Variants in KLHL25 observed in about 807,000 individuals in gnomAD.
KLHL25 encodes kelch-like protein 25.
KLHL25 carries 41 observed loss-of-function variants against 30.0 expected under a neutral mutation model. The ratio of observed to expected loss-of-function variants is 1.37; its 90% confidence interval spans 1.07 to 1.78. The LOEUF is 1.78. KLHL25 is among the 40% of genes most tolerant of loss of function. KLHL25 has a pLI of 0.00. For synonymous variants in KLHL25, 399 were observed against 355.3 expected (o/e 1.12, Z -1.38); for missense variants, 971 against 824.5 (o/e 1.18, Z -2.18).
intron 1 of KLHL25, among the ~76,000 whole-genome samples, chr15:85,793,578 T>C (rs756065312): frequency 6.6e-6 from 1 of 152,154 alleles, no homozygotes; most frequent in Non-Finnish European, 1.5e-5. Flanking sequence ...CAGTTCCTCC[T>C]ATGAATGGGG....
In KLHL25 at chr15:85,769,199, G is replaced by C; in HGVS notation, c.612C>G (p.Thr204=). ...CCTCGAAGACCACCCGCTCGTCCTCGGTCTCCAGCTCATCACTCGAGATGA... is the reference window on the plus strand; with the variant it reads ...CCTCGAAGACCACCCGCTCGTCCTCCGTCTCCAGCTCATCACTCGAGATGA... ...LDLISSDELE[T]EDERVVFEAI... Residue 204 remains threonine (T), a synonymous_variant, in exon 2 of 3, where the codon ACC becomes ACG. Transcript: ENST00000337975. 1 of 1,613,614 alleles carries C rather than the reference G, an allele frequency of 6.2e-7. No individual in the cohort carries two copies. The highest frequency in any genetic ancestry group is 1.3e-5 in the African/African-American group (1 of 75,046).
intron 2 of KLHL25, 44 bp from the exon 3 acceptor site, chr15:85,761,055 T>C (rs185248122): frequency 2.6e-5 from 4 of 152,474 alleles, no homozygotes; most frequent in East Asian, 3.9e-4. Context: ...AGTGGCCACA[T>C]TGTTCTGTTC....
At chr15:85,778,759 C>A (rs994224987) in intron 1 of KLHL25, among the ~76,000 whole-genome samples, 1 of 152,206 alleles carries the variant, frequency 6.6e-6, no homozygotes, top group Admixed American at 6.5e-5. Context: ...CCTGTGTCCA[C>A]CAGCAGGTCC....
At position 85,768,394 on chromosome 15, in the gene KLHL25, T is replaced by C; in HGVS notation, c.1417A>G (p.Thr473Ala). 1 of 1,613,642 alleles carries C rather than the reference T, an allele frequency of 6.2e-7. No individual in the cohort carries two copies. ...GGCTGGGGGCACTCGGCCTTGATCG[T>C]CCACCTGTTCTCCGAGGGGTCATAG... is the stretch of plus-strand genomic sequence containing the variant. ...QCYDPSENRW[T>A]IKAECPQPWR... Residue 473 changes from threonine (T) to alanine (A), a missense_variant, in exon 2 of 3, where the codon ACG becomes GCG. By Grantham distance (58) the Thr-to-Ala change is moderately conservative (BLOSUM62 0). Transcript: ENST00000337975.
In KLHL25 at chr15:85,768,166, T is replaced by A. The variant is rs1318326125; in HGVS notation, c.1645A>T (p.Thr549Ser). 1 of 1,614,150 alleles carries A rather than the reference T, an allele frequency of 6.2e-7. No homozygotes were observed. The highest frequency in any genetic ancestry group is 1.1e-5 in the South Asian group (1 of 91,068). Reference sequence around the variant, plus strand: ...CAGTCCAGAGTCTTACACCTCTGGGTCCCAAAGTAGCCCCCGACCACATAG... The same window carrying A: ...CAGTCCAGAGTCTTACACCTCTGGGACCCAAAGTAGCCCCCGACCACATAG... ...KLYVVGGYFG[T>S]QRCKTLDCYD... is the part of the protein sequence containing the mutation. Residue 549 changes from threonine (T) to serine (S), a missense_variant, in exon 2 of 3, where the codon ACC becomes TCC. By Grantham distance (58) the Thr-to-Ser change is moderately conservative. Transcript: ENST00000337975.
chr15:85,761,023 G>C lies in KLHL25; in HGVS notation c.*25-12C>G, dbSNP rs532767284. The C allele has an allele frequency of 3.9e-5, 6 of 152,540 alleles. No homozygotes were observed. Among genetic ancestry groups the C allele is most frequent in the Middle Eastern group, 3.4e-3 (1 of 294 alleles). 9.4% of individuals were successfully genotyped at this position (152,540 alleles called of 1,614,324 possible). On this transcript the variant is annotated splice_polypyrimidine_tract_variant and intron_variant, in intron 2 of 2. Coordinates refer to ENST00000337975, the MANE Select transcript of KLHL25 (RefSeq NM_022480.4). ...CTGAAGGCCGCGGTCTGTGGAGGGAGGAGAGGAAGAGAAAATCAATCAGTG... is the reference window on the plus strand; with the variant it reads ...CTGAAGGCCGCGGTCTGTGGAGGGACGAGAGGAAGAGAAAATCAATCAGTG...
At chr15:85,773,563 G>A (rs2089690736) in intron 1 of KLHL25, among the ~76,000 whole-genome samples, 1 of 152,210 alleles carries the variant, frequency 6.6e-6, no homozygotes, top group South Asian at 2.1e-4. Flanking sequence ...CACATCACTG[G>A]GCCCTGGGGA....
rs751327936 is a variant in KLHL25 at position 85,769,507 on chromosome 15, G to T, written c.304C>A (p.Leu102Met). The T allele has an allele frequency of 6.2e-7, 1 of 1,614,002 alleles. No homozygotes were observed. The highest frequency in any genetic ancestry group is 8.5e-7 in the Non-Finnish European group (1 of 1,180,040). ...NLHPEVLELLLDFAYSSRIAI... is the reference protein window; with the variant it reads ...NLHPEVLELLMDFAYSSRIAI... ...ATGCGTGAGGAGTAGGCAAAGTCCA[G>T]CAGCAGCTCCAGCACCTCCGGGTGC... is the stretch of plus-strand genomic sequence containing the variant. Residue 102 changes from leucine (L) to methionine (M), a missense_variant, in exon 2 of 3, where the codon CTG becomes ATG. By Grantham distance (15) the Leu-to-Met change is conservative (BLOSUM62 2). Coordinates refer to ENST00000337975, the MANE Select transcript of KLHL25 (RefSeq NM_022480.4).
At chr15:85,765,525 C>T (rs2089615079) in intron 2 of KLHL25, among the ~76,000 whole-genome samples, 1 of 151,196 alleles carries the variant, frequency 6.6e-6, no homozygotes, top group Admixed American at 6.6e-5. Flanking sequence ...ACTCAGGAGG[C>T]TGAGGAAGGA....
chr15:85,792,923 C>T (rs2089827194), intron 1 of KLHL25, among the ~76,000 whole-genome samples: 1 of 152,180 alleles, frequency 6.6e-6, no homozygotes, highest in Non-Finnish European at 1.5e-5. Context: ...TAGGTGCTCA[C>T]TAAAGGAAGA....
At chr15:85,777,922 C>A (rs1401924726) in intron 1 of KLHL25, among the ~76,000 whole-genome samples, 1 of 152,242 alleles carries the variant, frequency 6.6e-6, no homozygotes, top group African/African-American at 2.4e-5. Context: ...GTACCTGATA[C>A]TGTGCTAGGC....
At position 85,766,975 on chromosome 15, in the gene KLHL25, T is replaced by C. The variant is rs187509091; in HGVS notation, c.*24+1042A>G. 5.7e-3 allele frequency among the ~76,000 whole-genome samples: 855 copies of C among 150,866 alleles called. 12 individuals carry two copies. The highest frequency in any genetic ancestry group is 0.02 in the African/African-American group (816 of 41,146). On this transcript the variant is annotated intron_variant, in intron 2 of 2. Transcript: ENST00000337975. Reference sequence around the variant, plus strand: ...GGACTCCACCATTTAGACATGGATGTCATGCCTGGTTGGCGATCATTTTTT... The same window carrying C: ...GGACTCCACCATTTAGACATGGATGCCATGCCTGGTTGGCGATCATTTTTT...
intron 1 of KLHL25, among the ~76,000 whole-genome samples, chr15:85,776,186 A>AT (rs398028205): frequency 7.0e-6 from 1 of 143,572 alleles, no homozygotes; most frequent in African/African-American, 2.6e-5. Context: ...AAAAAAAAAA[A>AT]GAAAGAAAGA....
In KLHL25 at chr15:85,768,721, C is replaced by G; in HGVS notation, c.1090G>C (p.Val364Leu). The G allele has an allele frequency of 6.2e-7, 1 of 1,613,446 alleles. No individual in the cohort carries two copies. Among genetic ancestry groups the G allele is most frequent in the South Asian group, 1.1e-5 (1 of 91,074 alleles). ...GCCGCCTTGGACCATTCCTCATGTACGGTGTCGTACACCCAGACATCCTTG... is the reference window on the plus strand; with the variant it reads ...GCCGCCTTGGACCATTCCTCATGTAGGGTGTCGTACACCCAGACATCCTTG... The part of the protein sequence containing the change: ...VSKDVWVYDT[V>L]HEEWSKAAPM... The change falls in exon 2 of 3, where the codon GTA (valine) becomes CTA (leucine). Residue 364 changes from valine (V) to leucine (L), a missense_variant. Transcript: ENST00000337975.
At chr15:85,762,022 C>G (rs1325913788) in intron 2 of KLHL25, 1 of 152,254 alleles carries the variant, frequency 6.6e-6, no homozygotes, top group South Asian at 2.1e-4. Context: ...CTCCATCCCA[C>G]ACAGTGCTGG....
At position 85,760,050 on chromosome 15, in the gene KLHL25, AGAGGAT is replaced by A. The variant is rs1187098047; in HGVS notation, c.*980_*985del. On this transcript the variant is annotated 3_prime_UTR_variant, in exon 3 of 3. Transcript: ENST00000337975. ...GGGAGCAAATGGGGGCCAAAACGCA[AGAGGAT>A]GGTGAGGGTCCCGTCACTGTCCTCC... The A allele has an allele frequency of 2.0e-5, 3 of 152,280 alleles. No individual in the cohort carries two copies. Among genetic ancestry groups the A allele is most frequent in the African/African-American group, 7.2e-5 (3 of 41,434 alleles). The allele number at this position is 152,280 out of a possible 1,614,324, so 9.4% of individuals were successfully genotyped here.
In KLHL25 at chr15:85,768,412, G is replaced by T. The variant is rs781620646; in HGVS notation, c.1399C>A (p.Pro467Thr). ...DMVSKVQCYD[P>T]SENRWTIKAE... ...TTGATCGTCCACCTGTTCTCCGAGG[G>T]GTCATAGCACTGGACCTTGGACACC... The change falls in exon 2 of 3, where the codon CCC becomes ACC. Residue 467 changes from proline to threonine, a missense_variant. Coordinates refer to ENST00000337975, the MANE Select transcript of KLHL25 (RefSeq NM_022480.4). 2.5e-6 allele frequency: 4 copies of T among 1,613,506 alleles called. No homozygotes were observed. The highest frequency in any genetic ancestry group is 1.7e-5 in the Admixed American group (1 of 60,010).
chr15:85,768,363 C>T lies in KLHL25; in HGVS notation c.1448G>A (p.Arg483Gln), dbSNP rs761698502. 9.9e-6 allele frequency: 16 copies of T among 1,613,650 alleles called. No homozygotes were observed. Among genetic ancestry groups the T allele is most frequent in the African/African-American group, 2.7e-5 (2 of 74,936 alleles). ...TIKAECPQPW[R>Q]YTAAAVLGSQ... ...GCCCAGGACGGCAGCGGCTGTGTAC[C>T]GCCAAGGCTGGGGGCACTCGGCCTT... The change falls in exon 2 of 3, where the codon CGG (arginine) becomes CAG (glutamine). Residue 483 changes from arginine to glutamine, a missense_variant. Transcript: ENST00000337975.
rs1261401410 is a variant in KLHL25 at position 85,769,392 on chromosome 15, A to G, written c.419T>C (p.Leu140Pro). The G allele has an allele frequency of 2.5e-6, 4 of 1,614,182 alleles. No homozygotes were observed. The highest frequency in any genetic ancestry group is 1.1e-5 in the South Asian group (1 of 91,086). Residue 140 changes from leucine to proline, a missense_variant, in exon 2 of 3, where the codon CTG becomes CCG. Leu to Pro is a moderately conservative substitution (Grantham distance 98). Transcript: ENST00000337975. ...GTTGGAGGGGAAAAGGTTCTTCTCCAGGAACTCGGCGGCAGCATCCCGCAC... is the reference window on the plus strand; with the variant it reads ...GTTGGAGGGGAAAAGGTTCTTCTCCGGGAACTCGGCGGCAGCATCCCGCAC... ...HDVRDAAAEFLEKNLFPSNCL... is the reference protein window; with the variant it reads ...HDVRDAAAEFPEKNLFPSNCL...
Sources: gnomAD v4.1 joint callset for allele counts (sites outside exome capture counted in the v4.1 genomes callset) on GRCh38, gnomAD v4.1.1 for gene constraint, MANE v1.5 for transcripts, NCBI Gene and HGNC (gene_info 2026-07-23, HGNC 2026-07-21) for gene names.